Variants in AFF2 observed in about 807,000 individuals in gnomAD.
AFF2 encodes ALF transcription elongation factor 2, also known as AF4/FMR2 family member 2.
In AFF2, 14 loss-of-function variants were observed where a neutral mutation model predicts 76.9. That is an observed-to-expected ratio of 0.18 (90% confidence interval 0.12 to 0.28). The LOEUF is 0.28. AFF2 is among the 10% of genes least tolerant of loss of function. The pLI is 1.00. For synonymous variants in AFF2, 398 were observed against 366.7 expected (o/e 1.09, Z -0.98); for missense variants, 868 against 1,001.1 (o/e 0.87, Z 1.79).
At chrX:148,510,353 G>T (rs973066113) in intron 1 of AFF2, among the ~76,000 whole-genome samples, 1 of 111,813 alleles carries the variant, frequency 8.9e-6, no homozygotes, top group Non-Finnish European at 1.9e-5. Flanking sequence ...GCAGGAAACT[G>T]GGACAGAAGG....
intron 8 of AFF2, among the ~76,000 whole-genome samples, chrX:148,891,600 A>G (rs1397887226): frequency 8.9e-6 from 1 of 111,956 alleles, no homozygotes; most frequent in East Asian, 2.8e-4. Flanking sequence ...CCTCCAGCAC[A>G]TGTTCTTAGA....
chrX:148,899,575 A>G (rs781860437), intron 8 of AFF2, among the ~76,000 whole-genome samples: 1 of 112,287 alleles, frequency 8.9e-6, no homozygotes, highest in Admixed American at 9.5e-5. Context: ...ATACCCAGTT[A>G]TTTGAAATTA....
Position 148,780,796 on chromosome X carries a change from C to T in AFF2, c.1042-29080C>T, listed in dbSNP as rs138340646. On this transcript the variant is annotated intron_variant, in intron 3 of 20. Transcript: ENST00000370460. ...TTGTCCAGTTTTGTTCCCTTGCTGG[C>T]GAGGAGTTGTGATCCTTTGGAAGAG... 3.0e-3 allele frequency among the ~76,000 whole-genome samples: 339 copies of T among 111,598 alleles called. 3 individuals carry two copies. The highest frequency in any genetic ancestry group is 0.011 in the African/African-American group (329 of 30,689).
At chrX:148,725,037 A>C (rs781831493) in intron 3 of AFF2, among the ~76,000 whole-genome samples, 18 of 111,058 alleles carry the variant, frequency 1.6e-4, no homozygotes, top group Admixed American at 6.7e-4. Context: ...GCTGGTACCC[A>C]GTTTGAGTCA....
intron 3 of AFF2, among the ~76,000 whole-genome samples, chrX:148,694,093 C>T (rs1439936288): frequency 9.7e-6 from 1 of 102,968 alleles, no homozygotes; most frequent in African/African-American, 3.6e-5. Flanking sequence ...ACCGCATATT[C>T]TCACTCATAG....
At chrX:148,961,035 G>A (rs1487165436) in intron 12 of AFF2, among the ~76,000 whole-genome samples, 5 of 112,065 alleles carry the variant, frequency 4.5e-5, no homozygotes, top group African/African-American at 1.6e-4. Context: ...GCCAGGTCAC[G>A]GGTGCTCACT....
At chrX:148,843,300 A>G (rs1324273311) in intron 6 of AFF2, 82 bp from the exon 7 acceptor site, 17 of 849,004 alleles carry the variant, frequency 2.0e-5, no homozygotes, top group Non-Finnish European at 2.9e-5. Context: ...GGGGGACTGC[A>G]TGTTTGGAGA....
At chrX:148,647,204 C>A (rs2054152485) in intron 1 of AFF2, among the ~76,000 whole-genome samples, 1 of 112,102 alleles carries the variant, frequency 8.9e-6, no homozygotes, top group Non-Finnish European at 1.9e-5. Flanking sequence ...TATGCTTTTG[C>A]AAAGATATTA....
At chrX:148,640,421 G>A (rs1201074512) in intron 1 of AFF2, among the ~76,000 whole-genome samples, 1 of 108,196 alleles carries the variant, frequency 9.2e-6, no homozygotes, top group Non-Finnish European at 1.9e-5. Context: ...GTGTGATTGT[G>A]TTCAACAAGC....
chrX:148,826,838 G>C (rs2070394193), intron 4 of AFF2, among the ~76,000 whole-genome samples: 1 of 111,214 alleles, frequency 9.0e-6, no homozygotes, highest in Non-Finnish European at 1.9e-5. Flanking sequence ...ATACTTGGAG[G>C]GGGCTTTCTG....
At chrX:148,616,897 A>G (rs782256734) in intron 1 of AFF2, among the ~76,000 whole-genome samples, 2 of 111,323 alleles carry the variant, frequency 1.8e-5, no homozygotes, top group East Asian at 2.8e-4. Context: ...TACAAAGGAC[A>G]TGAACTCATC....
At chrX:148,679,151 A>G (rs1487416943) in intron 3 of AFF2, among the ~76,000 whole-genome samples, 1 of 107,288 alleles carries the variant, frequency 9.3e-6, no homozygotes, top group African/African-American at 3.4e-5. Context: ...ATAGGTAGAC[A>G]TAAGTACATT....
intron 9 of AFF2, among the ~76,000 whole-genome samples, chrX:148,926,170 T>G (rs1285574621): frequency 8.9e-6 from 1 of 111,848 alleles, no homozygotes. Context: ...TTTCTTGCCT[T>G]ATCTTGCAGC....
chrX:148,713,573 C>A (rs1202688642), intron 3 of AFF2, among the ~76,000 whole-genome samples: 2 of 111,672 alleles, frequency 1.8e-5, no homozygotes, highest in African/African-American at 6.5e-5. Flanking sequence ...TCCTATTTCA[C>A]CCAACATACA....
Position 148,791,826 on chromosome X carries a change from G to A in AFF2, c.1042-18050G>A, listed in dbSNP as rs140356705. Among the ~76,000 whole-genome samples, 600 of 111,119 alleles carry A rather than the reference G, an allele frequency of 5.4e-3. 4 individuals carry two copies. Among genetic ancestry groups the A allele is most frequent in the African/African-American group, 0.019 (571 of 30,538 alleles). ...CTTATCTTGCTTATGTTACTGAGCC[G>A]GGTGTATATAACTTTATGCTCATCA... On this transcript the variant is annotated intron_variant, in intron 3 of 20. Transcript: ENST00000370460.
chrX:148,870,506 T>G (rs1360917074), intron 7 of AFF2, among the ~76,000 whole-genome samples: 2 of 112,234 alleles, frequency 1.8e-5, no homozygotes, highest in African/African-American at 6.5e-5. Context: ...CATTCTCTGT[T>G]TCTGTGGTGG....
intron 1 of AFF2, among the ~76,000 whole-genome samples, chrX:148,651,153 G>A (rs1244583309): frequency 1.8e-5 from 2 of 112,248 alleles, no homozygotes; most frequent in Admixed American, 9.4e-5. Flanking sequence ...TAATAAGGAA[G>A]CATTCCATTC....
At chrX:148,810,707 G>C (rs1448202554) in intron 4 of AFF2, among the ~76,000 whole-genome samples, 1 of 111,752 alleles carries the variant, frequency 8.9e-6, no homozygotes, top group African/African-American at 3.3e-5. Flanking sequence ...AATAATACCT[G>C]CCCTAACTCC....
intron 3 of AFF2, among the ~76,000 whole-genome samples, chrX:148,746,543 C>T (rs1275112162): frequency 8.9e-6 from 1 of 112,435 alleles, no homozygotes; most frequent in Non-Finnish European, 1.9e-5. Context: ...CATTAAACCC[C>T]TGCCTAAAGG....
Sources: allele counts gnomAD v4.1 joint callset (sites outside exome capture counted in the v4.1 genomes callset), GRCh38; gene constraint gnomAD v4.1.1; transcripts MANE v1.5; gene names NCBI Gene and HGNC (gene_info 2026-07-23, HGNC 2026-07-21).